The following CDC27 variants were observed in gnomAD, a reference collection of about 807,000 sequenced individuals.
CDC27 encodes the protein cell division cycle 27, also known as cell division cycle protein 27 homolog.
Under a neutral mutation model 109.7 loss-of-function variants are expected in CDC27, and 27 were observed. The ratio of observed to expected loss-of-function variants is 0.25; its 90% CI spans 0.18 to 0.34. The LOEUF (loss-of-function observed/expected upper bound fraction) is 0.34, where lower values mean the gene tolerates loss of function less well. CDC27 is among the 10% of genes least tolerant of loss of function. The pLI is 1.00. For missense variants in CDC27, 579 were observed against 960.2 expected, an observed-to-expected ratio of 0.60 and a Z score of 5.25; for synonymous variants, 266 against 333.9, an observed-to-expected ratio of 0.80 and a Z score of 2.22.
At chr17:47,134,785 C>CT (rs376654308) in intron 14 of CDC27, among the ~76,000 whole-genome samples, 8,997 of 124,960 alleles carry the variant, frequency 0.072, 360 homozygotes, top group African/African-American at 0.11. Context: ...TAATTGTTTT[C>CT]TTTTTTTTTT....
intron 4 of CDC27, among the ~76,000 whole-genome samples, chr17:47,166,679 C>G (rs1425420329): frequency 6.6e-6 from 1 of 152,132 alleles, no homozygotes; most frequent in Non-Finnish European, 1.5e-5. Context: ...ACAGTGAAAG[C>G]TTAGATAGCA....
At position 47,175,158 on chromosome 17, in the gene CDC27, G is replaced by T. The variant is rs551715469; in HGVS notation, c.104-3094C>A. Among the ~76,000 whole-genome samples, 7 of 150,624 alleles carry T rather than the reference G, an allele frequency of 4.6e-5. No individual in the cohort carries two copies. The East Asian group carries it at 1.5e-3, about 33-fold the overall frequency. ...ACAAACAGGTTTGGCTTCAAAATTGGAAAGGTCTTTTGAGTGTAAGTCCAA... is the reference window on the plus strand; with the variant it reads ...ACAAACAGGTTTGGCTTCAAAATTGTAAAGGTCTTTTGAGTGTAAGTCCAA... On this transcript the variant is annotated intron_variant, in intron 2 of 18. Coordinates refer to ENST00000066544, the MANE Select transcript of CDC27 (RefSeq NM_001256.6).
intron 4 of CDC27, chr17:47,159,141 G>C (rs1213167287): frequency 1.2e-5 from 4 of 338,036 alleles, no homozygotes; most frequent in Non-Finnish European, 2.1e-5. Flanking sequence ...TTTATTTGTT[G>C]TTGTTTTTTT....
intron 4 of CDC27, chr17:47,169,700 T>C (rs984246715): frequency 6.6e-5 from 23 of 350,526 alleles, no homozygotes; most frequent in Admixed American, 1.4e-4. Flanking sequence ...GTATGATCAA[T>C]TGTTAGGCAG....
rs2064579550 is a variant in CDC27, at chr17:47,189,195, C to T, written c.-23G>A. The T allele has an allele frequency of 6.2e-7, 1 of 1,602,414 alleles. No individual in the cohort carries two copies. Among genetic ancestry groups the T allele is most frequent in the Non-Finnish European group, 8.6e-7 (1 of 1,169,418 alleles). ...CATCCTCGAGGCTCAGGCCCACTTTCTGCAGTGCCTCAGGCCCCCCCTGTA... is the reference window on the plus strand; with the variant it reads ...CATCCTCGAGGCTCAGGCCCACTTTTTGCAGTGCCTCAGGCCCCCCCTGTA... On this transcript the variant is annotated 5_prime_UTR_variant, in exon 1 of 19. Transcript: ENST00000066544.
chr17:47,159,579 C>G (rs368048550), intron 4 of CDC27: 169 of 471,086 alleles, frequency 3.6e-4, no homozygotes, highest in African/African-American at 3.1e-3. Context: ...CCTCTGCGCA[C>G]GGGGACAATC....
intron 4 of CDC27, among the ~76,000 whole-genome samples, chr17:47,160,249 T>C (rs2063459766): frequency 6.8e-6 from 1 of 147,342 alleles, no homozygotes; most frequent in East Asian, 2.0e-4. Flanking sequence ...TTTTTTTTCC[T>C]GAGAGTCTGG....
rs1489763208 is a variant in CDC27, at chr17:47,119,068, TC to T, written c.*1866del. On this transcript the variant is annotated 3_prime_UTR_variant, in exon 19 of 19. Transcript: ENST00000066544. ...CTCAGGTTGAAGCTTTCTATAAAAC[TC>T]TAAATGACACTGTTATACAGCACCT... is the stretch of plus-strand genomic sequence containing the variant. 2 of 152,168 alleles carry T rather than the reference TC, an allele frequency of 1.3e-5. No individual in the cohort carries two copies. Among genetic ancestry groups the T allele is most frequent in the Non-Finnish European group, 2.9e-5 (2 of 68,028 alleles). 9.4% of individuals were successfully genotyped at this position (152,168 alleles called of 1,614,324 possible).
intron 2 of CDC27, among the ~76,000 whole-genome samples, chr17:47,176,505 A>G (rs113520197): frequency 4.6e-5 from 7 of 152,340 alleles, no homozygotes; most frequent in African/African-American, 1.7e-4. Context: ...CCACAAATAA[A>G]AGAGGGCTGG....
At chr17:47,136,207 G>T (rs536457799) in intron 14 of CDC27, among the ~76,000 whole-genome samples, 1 of 152,076 alleles carries the variant, frequency 6.6e-6, no homozygotes, top group East Asian at 1.9e-4. Context: ...CATAGCTATC[G>T]GAAGAGACAG....
chr17:47,153,643 C>A (rs1370407714), intron 8 of CDC27, among the ~76,000 whole-genome samples: 1 of 152,116 alleles, frequency 6.6e-6, no homozygotes, highest in Non-Finnish European at 1.5e-5. Context: ...GCTTCCATTT[C>A]TTGAATATTT....
In CDC27 at chr17:47,181,559, A is replaced by T; in HGVS notation, c.103+3T>A. The T allele has an allele frequency of 5.7e-6, 9 of 1,566,668 alleles. No individual in the cohort carries two copies. The highest frequency in any genetic ancestry group is 7.9e-6 in the Non-Finnish European group (9 of 1,138,560). On this transcript the variant is annotated splice_donor_region_variant and intron_variant, in intron 2 of 18. Transcript: ENST00000066544. ...ATTCTACAGCAATGAATAGATTTCA[A>T]ACCTTCTGCATAAAGGCGTTCTGCG... is the stretch of plus-strand genomic sequence containing the variant.
chr17:47,160,733 C>A (rs371568135), intron 4 of CDC27, among the ~76,000 whole-genome samples: 3 of 152,186 alleles, frequency 2.0e-5, no homozygotes, highest in East Asian at 3.8e-4. Context: ...AGATCCTCAA[C>A]TGAAACTATC....
chr17:47,183,485 A>T (rs2064317961), intron 1 of CDC27, among the ~76,000 whole-genome samples: 1 of 152,152 alleles, frequency 6.6e-6, no homozygotes, highest in South Asian at 2.1e-4. Context: ...TTAGTTTGGG[A>T]TCTCCAGAGC....
intron 14 of CDC27, among the ~76,000 whole-genome samples, chr17:47,133,004 TATATATATATATATATATATATATAC>T (rs1433195514): frequency 5.1e-5 from 2 of 38,888 alleles, no homozygotes; most frequent in East Asian, 9.7e-4. Flanking sequence ...TATATATATA[TATATATATATATATATATATATATAC>T]ACACACACAC....
At chr17:47,184,926 C>T (rs577884995) in intron 1 of CDC27, among the ~76,000 whole-genome samples, 11 of 152,188 alleles carry the variant, frequency 7.2e-5, no homozygotes, top group Non-Finnish European at 1.2e-4. Context: ...GCCAGATGAA[C>T]GAAATGCTGC....
intron 2 of CDC27, among the ~76,000 whole-genome samples, chr17:47,179,792 A>C (rs2064154445): frequency 6.6e-6 from 1 of 152,214 alleles, no homozygotes. Flanking sequence ...CAGGTACATA[A>C]ATAACGTGGA....
chr17:47,134,495 G>T (rs1271925239), intron 14 of CDC27, among the ~76,000 whole-genome samples: 11 of 150,482 alleles, frequency 7.3e-5, no homozygotes, highest in African/African-American at 2.5e-4. Flanking sequence ...GTTTTGTTTT[G>T]TTTTGTTTTG....
In CDC27 at chr17:47,154,780, C is replaced by T; in HGVS notation, c.849G>A (p.Gly283=). The T allele has an allele frequency of 6.5e-7, 1 of 1,542,976 alleles. No homozygotes were observed. The highest frequency in any genetic ancestry group is 9.0e-7 in the Non-Finnish European group (1 of 1,117,044). Residue 283 remains glycine, a synonymous_variant, in exon 8 of 19, where the codon GGG becomes GGA. Transcript: ENST00000066544. ...AALSPLTPSF[G]ILPLETPSPG... is the part of the protein sequence containing the mutation. Reference sequence around the variant, plus strand: ...GACTTGGGGTTTCTAATGGCAAAATCCCAAAACTGAGAAGAGGTTGAAATC... The same window carrying T: ...GACTTGGGGTTTCTAATGGCAAAATTCCAAAACTGAGAAGAGGTTGAAATC...
Sources: allele counts gnomAD v4.1 joint callset (sites outside exome capture counted in the v4.1 genomes callset), GRCh38; gene constraint gnomAD v4.1.1; transcripts MANE v1.5; gene names NCBI Gene and HGNC (gene_info 2026-07-23, HGNC 2026-07-21).